The following RBFOX1 variants were observed in gnomAD, a reference collection of about 807,000 sequenced individuals.
RBFOX1 encodes RNA binding protein fox-1 homolog 1.
A neutral mutation model predicts 57.7 loss-of-function variants in RBFOX1; 8 were observed. The ratio of observed to expected loss-of-function variants is 0.14; its 90% confidence interval spans 0.08 to 0.25. The LOEUF (loss-of-function observed/expected upper bound fraction) is 0.25, where lower values mean the gene tolerates loss of function less well. Ranked by LOEUF, RBFOX1 falls within the 10% of genes least tolerant of loss-of-function variation. RBFOX1 has a pLI of 1.00. For missense variants in RBFOX1, 611 were observed against 548.5 expected (o/e 1.11, Z -1.14); for synonymous variants, 326 against 222.4 (o/e 1.47, Z -4.15).
chr16:6,283,311 C>T (rs1406315127), intron 1 of RBFOX1, among the ~76,000 whole-genome samples: 4 of 152,112 alleles, frequency 2.6e-5, no homozygotes, highest in Admixed American at 2.0e-4. Context: ...GATTACAGAG[C>T]AAGACCTCAT....
intron 4 of RBFOX1, among the ~76,000 whole-genome samples, chr16:5,910,350 C>G (rs902092362): frequency 1.3e-5 from 2 of 152,106 alleles, no homozygotes; most frequent in African/African-American, 4.8e-5. Flanking sequence ...TCAGTGCACC[C>G]TCTAGGAGGT....
intron 1 of RBFOX1, among the ~76,000 whole-genome samples, chr16:6,093,550 C>T (rs1403767941): frequency 1.3e-5 from 2 of 152,152 alleles, no homozygotes; most frequent in African/African-American, 4.8e-5. Context: ...ATCTTGTCTA[C>T]AATTTTTCTA....
chr16:5,793,912 T>C (rs746780597), intron 3 of RBFOX1, among the ~76,000 whole-genome samples: 1 of 152,194 alleles, frequency 6.6e-6, no homozygotes, highest in Non-Finnish European at 1.5e-5. Context: ...ACCTGTGTGA[T>C]CTTGGGTGAG....
At chr16:5,480,637 A>T (rs1363954827) in intron 2 of RBFOX1, among the ~76,000 whole-genome samples, 1 of 152,152 alleles carries the variant, frequency 6.6e-6, no homozygotes, top group Non-Finnish European at 1.5e-5. Flanking sequence ...TGGCTATGCT[A>T]GTGTGTATGT....
At chr16:5,452,275 C>T (rs948305587) in intron 1 of RBFOX1, among the ~76,000 whole-genome samples, 10 of 151,942 alleles carry the variant, frequency 6.6e-5, no homozygotes, top group African/African-American at 2.2e-4. Context: ...TGCACCACCA[C>T]GCCCAGCTAA....
intron 4 of RBFOX1, among the ~76,000 whole-genome samples, chr16:7,287,806 A>G (rs1026829283): frequency 2.6e-5 from 4 of 152,218 alleles, no homozygotes; most frequent in African/African-American, 7.2e-5. Context: ...GATAGATTTT[A>G]CATATATGGG....
chr16:6,550,830 A>G (rs1009296192), intron 2 of RBFOX1, among the ~76,000 whole-genome samples: 2 of 152,228 alleles, frequency 1.3e-5, no homozygotes, highest in African/African-American at 4.8e-5. Flanking sequence ...CTTCACATTG[A>G]TTAGAACAAT....
chr16:7,498,934 C>G (rs939039950), intron 4 of RBFOX1, among the ~76,000 whole-genome samples: 8 of 152,170 alleles, frequency 5.3e-5, no homozygotes, highest in Non-Finnish European at 8.8e-5. Context: ...GATAAGGTGT[C>G]ACAACATCCT....
chr16:6,886,620 T>C (rs1433992134), intron 3 of RBFOX1, among the ~76,000 whole-genome samples: 3 of 151,822 alleles, frequency 2.0e-5, no homozygotes, highest in African/African-American at 4.8e-5. Context: ...CTGGGCGTGG[T>C]GGTGCTCACC....
chr16:5,755,845 G>T (rs909843793), intron 3 of RBFOX1, among the ~76,000 whole-genome samples: 3 of 152,140 alleles, frequency 2.0e-5, no homozygotes, highest in Admixed American at 2.0e-4. Flanking sequence ...TGATCCGCCT[G>T]CCTCGGCCTC....
rs564700652 is a variant in RBFOX1, at chr16:7,209,837, C to G, written c.27+157739C>G. Among the ~76,000 whole-genome samples, 3 of 152,210 alleles carry G rather than the reference C, an allele frequency of 2.0e-5. No individual in the cohort carries two copies. The South Asian group carries it at 6.2e-4, about 32-fold the overall frequency. On this transcript the variant is annotated intron_variant, in intron 4 of 15. Coordinates refer to ENST00000550418, the MANE Select transcript of RBFOX1 (RefSeq NM_018723.4). ...TGCAATAGATGAATGAGACAAGAGTCTCTCCAGGGAAGCTGAAGTGGCACA... is the reference window on the plus strand; with the variant it reads ...TGCAATAGATGAATGAGACAAGAGTGTCTCCAGGGAAGCTGAAGTGGCACA...
intron 4 of RBFOX1, among the ~76,000 whole-genome samples, chr16:7,074,528 C>A (rs1357672372): frequency 6.6e-6 from 1 of 151,508 alleles, no homozygotes; most frequent in African/African-American, 2.4e-5. Context: ...AACTAAGGAA[C>A]AGGAAGAAGA....
In RBFOX1 at chr16:6,637,159, ATT is replaced by A. The variant is rs1156566521; in HGVS notation, c.-63-17443_-63-17442del. 8.0e-5 allele frequency among the ~76,000 whole-genome samples: 7 copies of A among 87,686 alleles called. 1 individual carries two copies. The highest frequency in any genetic ancestry group is 6.1e-4 in the Admixed American group (3 of 4,942). 57.5% of individuals were successfully genotyped at this position (87,686 alleles called of 152,430 possible). A position where few individuals can be genotyped will look rare whatever the true frequency, so the allele number is the denominator to read the frequency against. ...ATTAAATATATAATATACAATATAT[ATT>A]ATATATTATATATATTATATAATAT... On this transcript the variant is annotated intron_variant, in intron 2 of 15. Coordinates refer to ENST00000550418, the MANE Select transcript of RBFOX1 (RefSeq NM_018723.4).
intron 1 of RBFOX1, among the ~76,000 whole-genome samples, chr16:5,324,143 C>T (rs2064493189): frequency 1.3e-5 from 2 of 152,292 alleles, no homozygotes; most frequent in Middle Eastern, 3.4e-3. Context: ...ATCAGCAGCA[C>T]GGGCATCACC....
intron 2 of RBFOX1, among the ~76,000 whole-genome samples, chr16:6,531,566 G>T (rs1203924115): frequency 1.3e-5 from 2 of 152,056 alleles, no homozygotes; most frequent in African/African-American, 4.8e-5. Flanking sequence ...AATACCTATT[G>T]TTTTAAAACA....
At chr16:7,633,283 C>T (rs1013787413) in intron 11 of RBFOX1, among the ~76,000 whole-genome samples, 2 of 152,190 alleles carry the variant, frequency 1.3e-5, no homozygotes, top group Non-Finnish European at 2.9e-5. Context: ...TATCACTGCA[C>T]TGTGTGTAGC....
At chr16:6,971,356 A>T (rs1422388240) in intron 3 of RBFOX1, among the ~76,000 whole-genome samples, 1 of 152,064 alleles carries the variant, frequency 6.6e-6, no homozygotes, top group Non-Finnish European at 1.5e-5. Flanking sequence ...GGCAGCAGGA[A>T]CAGATGACTC....
At chr16:7,660,329 CG>C (rs2067398738) in intron 12 of RBFOX1, among the ~76,000 whole-genome samples, 1 of 152,196 alleles carries the variant, frequency 6.6e-6, no homozygotes, top group Admixed American at 6.5e-5. Context: ...CATGGCTAGA[CG>C]GACCATCTCT....
chr16:7,517,359 T>G (rs2076592103), intron 4 of RBFOX1, among the ~76,000 whole-genome samples: 1 of 152,126 alleles, frequency 6.6e-6, no homozygotes, highest in Non-Finnish European at 1.5e-5. Context: ...TATAATACTC[T>G]GTGCTCATAA....
Sources: gnomAD v4.1 joint callset for allele counts (sites outside exome capture counted in the v4.1 genomes callset) on GRCh38, gnomAD v4.1.1 for gene constraint, MANE v1.5 for transcripts, NCBI Gene and HGNC (gene_info 2026-07-23, HGNC 2026-07-21) for gene names.